NPEPPS: variants seen among roughly 807,000 people sequenced by gnomAD.
NPEPPS encodes puromycin-sensitive aminopeptidase.
Under a neutral mutation model 115.5 loss-of-function variants are expected in NPEPPS, and 14 were observed. That is an observed-to-expected ratio of 0.12 (90% CI 0.08 to 0.19). The LOEUF (loss-of-function observed/expected upper bound fraction) is 0.19, where lower values mean the gene tolerates loss of function less well. Among genes scored for constraint, NPEPPS ranks in the 10% least tolerant of loss-of-function variants. The probability of loss-of-function intolerance (pLI) is 1.00; values close to 1 mark genes in which losing one functional copy is unlikely to be tolerated. For synonymous variants in NPEPPS, 285 were observed against 390.6 expected (o/e 0.73, Z 3.19); for missense variants, 523 against 1,110.8 (o/e 0.47, Z 7.52).
intron 15 of NPEPPS, chr17:47,602,042 C>T (rs915256957): frequency 6.8e-6 from 2 of 295,200 alleles, no homozygotes; most frequent in African/African-American, 4.6e-5. Context: ...CACCTTCAAA[C>T]TCCCCTGTCA....
In NPEPPS at chr17:47,618,995, CTT is replaced by C. The variant is rs761595101; in HGVS notation, c.2404-12_2404-11del. ...TTTGATACACTAGACTTTTAGCTCTCTTTCTTTTTTTAGGAAGAGGTACGTCC... is the reference window on the plus strand; with the variant it reads ...TTTGATACACTAGACTTTTAGCTCTCTCTTTTTTTAGGAAGAGGTACGTCC... On this transcript the variant is annotated splice_polypyrimidine_tract_variant and intron_variant, in intron 20 of 22. Coordinates refer to ENST00000322157, the MANE Select transcript of NPEPPS (RefSeq NM_006310.4). 3.0e-5 allele frequency: 48 copies of C among 1,609,404 alleles called. No homozygotes were observed. Among genetic ancestry groups the C allele is most frequent in the Non-Finnish European group, 3.7e-5 (43 of 1,177,340 alleles).
chr17:47,529,403 C>T (rs1464493034), upstream of NPEPPS, among the ~76,000 whole-genome samples: 2 of 149,398 alleles, frequency 1.3e-5, no homozygotes, highest in Non-Finnish European at 3.0e-5. Flanking sequence ...ACACCTGGGC[C>T]CACTTTTTTT....
chr17:47,595,122 G>A (rs1382148351), intron 12 of NPEPPS, among the ~76,000 whole-genome samples: 4 of 151,994 alleles, frequency 2.6e-5, no homozygotes, highest in Non-Finnish European at 5.9e-5. Flanking sequence ...GTAGAGACAG[G>A]GTTTCACCAT....
In NPEPPS at chr17:47,556,437, T is replaced by C. The variant is rs1400917725; in HGVS notation, c.340+10444T>C. Among the ~76,000 whole-genome samples the C allele has an allele frequency of 3.3e-5, 5 of 152,274 alleles. No individual in the cohort carries two copies. In the East Asian group the frequency reaches 9.6e-4, roughly 29 times the overall value. Reference sequence around the variant, plus strand: ...TCAACAGCATCCCAAGGCAGAAGACTTTTTCTTAGTACAGAACAAAATGGA... The same window carrying C: ...TCAACAGCATCCCAAGGCAGAAGACCTTTTCTTAGTACAGAACAAAATGGA... On this transcript the variant is annotated intron_variant, in intron 2 of 22. Transcript: ENST00000322157.
At chr17:47,586,421 T>A (rs1320796622) in intron 8 of NPEPPS, 23 bp downstream of exon 8, 3 of 1,534,732 alleles carry the variant, frequency 2.0e-6, no homozygotes, top group Non-Finnish European at 2.6e-6. Flanking sequence ...TGTGTTACCC[T>A]GCCTTATCTT....
At chr17:47,554,598 G>A (rs113266776) in intron 2 of NPEPPS, among the ~76,000 whole-genome samples, 2 of 151,706 alleles carry the variant, frequency 1.3e-5, no homozygotes, top group African/African-American at 4.8e-5. Flanking sequence ...GGCTTCAAGC[G>A]ATCCTCCTGC....
chr17:47,548,811 G>A (rs1311115557), intron 2 of NPEPPS, among the ~76,000 whole-genome samples: 1 of 151,554 alleles, frequency 6.6e-6, no homozygotes, highest in Non-Finnish European at 1.5e-5. Context: ...TCCTGGCCTT[G>A]TGATCCACCC....
chr17:47,612,343 A>C, intron 17 of NPEPPS, 117 bp from the exon 18 acceptor site: 1 of 938,310 alleles, frequency 1.1e-6, no homozygotes, highest in Non-Finnish European at 1.6e-6. Context: ...AAGTTAATTG[A>C]GTGTGTTTGT....
At chr17:47,602,159 A>G (rs1913239128) in intron 15 of NPEPPS, among the ~76,000 whole-genome samples, 2 of 152,178 alleles carry the variant, frequency 1.3e-5, no homozygotes, top group African/African-American at 4.8e-5. Context: ...CTGAAATGTA[A>G]AATTCCTTAG....
At chr17:47,573,169 C>T (rs1911304744) in intron 3 of NPEPPS, among the ~76,000 whole-genome samples, 2 of 152,070 alleles carry the variant, frequency 1.3e-5, no homozygotes, top group Admixed American at 1.3e-4. Flanking sequence ...GAGAGACTAG[C>T]TTAAAAAATG....
At chr17:47,559,280 G>A (rs572856000) in intron 2 of NPEPPS, among the ~76,000 whole-genome samples, 1 of 152,090 alleles carries the variant, frequency 6.6e-6, no homozygotes, top group Non-Finnish European at 1.5e-5. Context: ...GGCTTCAAGG[G>A]ATTCTCTCAC....
chr17:47,583,771 A>C (rs1481200488), intron 5 of NPEPPS, among the ~76,000 whole-genome samples: 2 of 151,878 alleles, frequency 1.3e-5, no homozygotes, highest in Non-Finnish European at 2.9e-5. Context: ...AAAACTTAAA[A>C]GTTAGCCAGG....
At chr17:47,613,870 A>G (rs748162126) in intron 19 of NPEPPS, 145 bp downstream of exon 19, 2 of 589,194 alleles carry the variant, frequency 3.4e-6, no homozygotes, top group Non-Finnish European at 5.9e-6. Context: ...ACTGTGAGAG[A>G]ATTATGTCTA....
intron 4 of NPEPPS, chr17:47,580,965 A>G (rs1911839486): frequency 6.6e-6 from 1 of 151,970 alleles, no homozygotes; most frequent in Non-Finnish European, 1.5e-5. Context: ...TCTTTCTTAC[A>G]TTCTTATGGA....
chr17:47,532,303 G>T (rs1270531762), intron 1 of NPEPPS, among the ~76,000 whole-genome samples: 1 of 152,040 alleles, frequency 6.6e-6, no homozygotes, highest in Non-Finnish European at 1.5e-5. Context: ...CTAGCTTTGC[G>T]GCCTTCGAAG....
At chr17:47,565,526 AAG>A (rs1192078387) in intron 2 of NPEPPS, among the ~76,000 whole-genome samples, 2 of 149,502 alleles carry the variant, frequency 1.3e-5, no homozygotes, top group African/African-American at 2.5e-5. Flanking sequence ...AAAAAAAAAA[AAG>A]GTGATTCGAG....
intron 17 of NPEPPS, among the ~76,000 whole-genome samples, chr17:47,611,335 G>A (rs1363188650): frequency 1.3e-5 from 2 of 151,602 alleles, no homozygotes; most frequent in African/African-American, 2.4e-5. Context: ...TGGCACAACC[G>A]TGTATTCCCA....
At chr17:47,543,219 C>T (rs1253474549) in intron 1 of NPEPPS, among the ~76,000 whole-genome samples, 1 of 151,294 alleles carries the variant, frequency 6.6e-6, no homozygotes, top group Non-Finnish European at 1.5e-5. Flanking sequence ...CTTAATGGCG[C>T]GCACACACAC....
intron 1 of NPEPPS, among the ~76,000 whole-genome samples, chr17:47,544,022 G>A (rs1481193968): frequency 3.9e-5 from 6 of 152,214 alleles, no homozygotes; most frequent in African/African-American, 1.4e-4. Context: ...AGCCTCCCGA[G>A]TAGCTGGGAC....
Sources: allele counts gnomAD v4.1 joint callset (sites outside exome capture counted in the v4.1 genomes callset), GRCh38; gene constraint gnomAD v4.1.1; transcripts MANE v1.5; gene names NCBI Gene and HGNC (gene_info 2026-07-23, HGNC 2026-07-21).